Variants in FBLN7 observed in about 807,000 individuals in gnomAD.
FBLN7 encodes the protein fibulin 7, also known as fibulin-7.
FBLN7 carries 31 observed loss-of-function variants against 44.0 expected under a neutral mutation model. That is an observed-to-expected ratio of 0.70 (90% confidence interval 0.53 to 0.95). The LOEUF is 0.95. FBLN7 is among the 40% of genes least tolerant of loss of function. FBLN7 has a pLI of 0.00. For synonymous variants in FBLN7, 262 were observed against 253.4 expected (o/e 1.03, Z -0.32); for missense variants, 573 against 618.5 (o/e 0.93, Z 0.78).
chr2:112,223,961 G>T, the FBLN7 span, among the ~76,000 whole-genome samples: 1 of 152,126 alleles, frequency 6.6e-6, no homozygotes, highest in East Asian at 1.9e-4. Flanking sequence ...TGGCCAAAAT[G>T]GTGAAACCCC....
chr2:112,217,390 T>G, the FBLN7 span, among the ~76,000 whole-genome samples: 1 of 151,942 alleles, frequency 6.6e-6, no homozygotes, highest in Non-Finnish European at 1.5e-5. Flanking sequence ...AAAAATAAAG[T>G]GATGGGCAAA....
intron 1 of FBLN7, among the ~76,000 whole-genome samples, chr2:112,142,738 A>C (rs934967321): frequency 2.7e-5 from 4 of 150,734 alleles, no homozygotes; most frequent in African/African-American, 9.9e-5. Context: ...GAGACAGCGC[A>C]AGAGTAATAT....
intron 6 of FBLN7, among the ~76,000 whole-genome samples, chr2:112,184,454 A>C (rs1323340798): frequency 6.6e-6 from 1 of 152,014 alleles, no homozygotes; most frequent in African/African-American, 2.4e-5. Context: ...CACAGTGCTC[A>C]CGAAGGCCCA....
chr2:112,138,518 C>T lies in FBLN7; in HGVS notation c.-138C>T. ...ACGCGCTGCGCTCGGGGCCTCCCGC[C>T]TCCCCCCCTGCCCCAGCCGCCCCCC... On this transcript the variant is annotated 5_prime_UTR_variant, in exon 1 of 8. Coordinates refer to ENST00000331203, the MANE Select transcript of FBLN7 (RefSeq NM_153214.3). 2 of 1,217,330 alleles carry T rather than the reference C, an allele frequency of 1.6e-6. No individual in the cohort carries two copies. The highest frequency in any genetic ancestry group is 2.2e-6 in the Non-Finnish European group (2 of 906,246). 75.4% of individuals were successfully genotyped at this position (1,217,330 alleles called of 1,614,324 possible).
chr2:112,156,776 A>T (rs530384992), intron 1 of FBLN7, among the ~76,000 whole-genome samples: 1 of 152,346 alleles, frequency 6.6e-6, no homozygotes, highest in African/African-American at 2.4e-5. Context: ...AACGAATTCC[A>T]GGGGCAACTG....
the FBLN7 span, among the ~76,000 whole-genome samples, chr2:112,229,371 C>A: frequency 6.6e-6 from 1 of 151,832 alleles, no homozygotes; most frequent in Non-Finnish European, 1.5e-5. Context: ...TTTTTTCATT[C>A]ATTCTACCAG....
chr2:112,177,604 C>T (rs930347630), intron 4 of FBLN7: 2 of 152,186 alleles, frequency 1.3e-5, no homozygotes, highest in Non-Finnish European at 2.9e-5. Flanking sequence ...TAATCACATT[C>T]ACATTGTTGT....
chr2:112,185,396 G>T, intron 7 of FBLN7, 57 bp downstream of exon 7: 2 of 1,583,968 alleles, frequency 1.3e-6, no homozygotes, highest in Non-Finnish European at 1.7e-6. Context: ...TGGCTGGGCT[G>T]GATGCTTCCT....
intron 5 of FBLN7, chr2:112,182,091 T>C: frequency 1.7e-6 from 1 of 605,426 alleles, no homozygotes. Flanking sequence ...CCTCAGAACC[T>C]GGTCCAGCCT....
the FBLN7 span, among the ~76,000 whole-genome samples, chr2:112,233,573 C>T: frequency 1.3e-5 from 2 of 152,150 alleles, no homozygotes; most frequent in Non-Finnish European, 2.9e-5. Flanking sequence ...CATTTTTAAA[C>T]ATAAAGCATT....
At chr2:112,230,863 C>A in the FBLN7 span, 1 of 1,250,120 alleles carries the variant, frequency 8.0e-7, no homozygotes, top group South Asian at 1.5e-5. Flanking sequence ...TGGAGATGTT[C>A]AGACAAGAAA....
the FBLN7 span, chr2:112,230,763 T>TATC: frequency 2.1e-6 from 1 of 486,568 alleles, no homozygotes; most frequent in Non-Finnish European, 3.3e-6. Context: ...TATGTAAATA[T>TATC]ATCAAATATT....
chr2:112,195,976 G>A, the FBLN7 span, among the ~76,000 whole-genome samples: 1 of 152,178 alleles, frequency 6.6e-6, no homozygotes, highest in African/African-American at 2.4e-5. Context: ...GACCAGTGGT[G>A]GCTCAGAAAT....
the FBLN7 span, among the ~76,000 whole-genome samples, chr2:112,204,934 G>A: frequency 6.6e-6 from 1 of 152,042 alleles, no homozygotes; most frequent in African/African-American, 2.4e-5. Flanking sequence ...TTATGACACT[G>A]TTAAATTTTA....
Position 112,159,712 on chromosome 2 carries a change from C to G in FBLN7, c.112C>G (p.Arg38Gly). 6.3e-7 allele frequency: 1 copy of G among 1,578,964 alleles called. No homozygotes were observed. The highest frequency in any genetic ancestry group is 1.1e-5 in the South Asian group (1 of 87,352). ...CAAACAGCAGCTCCTCTCGGCCATC[C>G]GCCAGCTGCAGCAGCTGCTGAAGGG... ...LSKQQLLSAI[R>G]QLQQLLKGQE... Residue 38 changes from arginine to glycine, a missense_variant, in exon 2 of 8, where the codon CGC becomes GGC. Transcript: ENST00000331203.
the FBLN7 span, among the ~76,000 whole-genome samples, chr2:112,220,441 GA>G: frequency 2.0e-5 from 3 of 152,158 alleles, no homozygotes; most frequent in African/African-American, 7.2e-5. Context: ...ATTCTTGGTT[GA>G]AAATTCTTTA....
intron 3 of FBLN7, among the ~76,000 whole-genome samples, chr2:112,169,915 T>G (rs951084025): frequency 6.6e-6 from 1 of 152,040 alleles, no homozygotes; most frequent in Non-Finnish European, 1.5e-5. Context: ...GAGCAGGTAG[T>G]TGGGCAGCAC....
intron 2 of FBLN7, among the ~76,000 whole-genome samples, chr2:112,162,267 C>T (rs973594486): frequency 6.6e-6 from 1 of 151,484 alleles, no homozygotes; most frequent in African/African-American, 2.4e-5. Context: ...GCCTCAGCTT[C>T]GCAAAGTGCT....
At chr2:112,215,026 T>C in the FBLN7 span, 10 of 152,172 alleles carry the variant, frequency 6.6e-5, no homozygotes, top group Non-Finnish European at 1.5e-4. Context: ...CTCAGAAATA[T>C]AACAATTATT....
Sources: allele counts gnomAD v4.1 joint callset (sites outside exome capture counted in the v4.1 genomes callset), GRCh38; gene constraint gnomAD v4.1.1; transcripts MANE v1.5; gene names NCBI Gene and HGNC (gene_info 2026-07-23, HGNC 2026-07-21).